KANSL1: variants seen among roughly 807,000 people sequenced by gnomAD.
The protein encoded by KANSL1 is MLL1/MLL complex subunit KANSL1.
In KANSL1, 22 loss-of-function variants were observed where a neutral mutation model predicts 103.6. That is an observed-to-expected ratio of 0.21 (90% CI 0.15 to 0.30). The LOEUF (loss-of-function observed/expected upper bound fraction) is 0.30, where lower values mean the gene tolerates loss of function less well. Among genes scored for constraint, KANSL1 ranks in the 10% least tolerant of loss-of-function variants. KANSL1 has a pLI of 1.00. For synonymous variants in KANSL1, 600 were observed against 527.6 expected, an observed-to-expected ratio of 1.14 and a Z score of -1.88; for missense variants, 1,337 against 1,399.8, an observed-to-expected ratio of 0.96 and a Z score of 0.72.
At chr17:46,213,969 TCAATTCC>T (rs1235645755) in intron 1 of KANSL1, among the ~76,000 whole-genome samples, 2 of 151,674 alleles carry the variant, frequency 1.3e-5, no homozygotes, top group Non-Finnish European at 2.9e-5. Context: ...ATTCTAAAAA[TCAATTCC>T]CTGCCAAATA....
At chr17:46,222,972 G>A (rs1462505587) in intron 1 of KANSL1, 1 of 150,508 alleles carries the variant, frequency 6.6e-6, no homozygotes, top group Non-Finnish European at 1.5e-5. Flanking sequence ...GGCCATCTAT[G>A]TACAAGAGAT....
At chr17:46,198,003 G>T (rs2047669865), upstream of KANSL1, among the ~76,000 whole-genome samples, 2 of 152,120 alleles carry the variant, frequency 1.3e-5, no homozygotes, top group Non-Finnish European at 2.9e-5. Flanking sequence ...ATTAACTCAG[G>T]ACAAGTTCTA....
chr17:46,122,667 T>C (rs62061858), intron 2 of KANSL1, among the ~76,000 whole-genome samples: 21,615 of 152,008 alleles, frequency 0.14, 2,091 homozygotes, highest in Non-Finnish European at 0.22. Flanking sequence ...GCAAGTCTAT[T>C]AGCGTCATTC....
upstream of KANSL1, among the ~76,000 whole-genome samples, chr17:46,197,535 C>G (rs1483887396): frequency 6.6e-6 from 1 of 152,218 alleles, no homozygotes; most frequent in East Asian, 1.9e-4. Context: ...TCCAGCTACT[C>G]GGGAGGCTGA....
In KANSL1 at chr17:46,032,109, G is replaced by A. The variant is rs143018360; in HGVS notation, c.3028C>T (p.Pro1010Ser). 1 of 1,614,110 alleles carries A rather than the reference G, an allele frequency of 6.2e-7. No individual in the cohort carries two copies. The highest frequency in any genetic ancestry group is 2.2e-5 in the East Asian group (1 of 44,864). ...APLTPVARDT[P>S]RHLASEDTRC... is the part of the protein sequence containing the mutation. ...GTATCCTCACTGGCTAAGTGTCGCG[G>A]AGTGTCCCGAGCCACAGGGGTGAGG... Residue 1010 changes from proline to serine, a missense_variant, in exon 14 of 15, where the codon CCG (proline) becomes TCG (serine). Pro to Ser is a moderately conservative substitution (Grantham distance 74). This residue lies in a region of KANSL1 where 780 missense variants were observed against 923.4 expected (regional missense o/e 0.84). Coordinates refer to ENST00000432791, the MANE Select transcript of KANSL1 (RefSeq NM_015443.4).
At position 46,050,649 on chromosome 17, in the gene KANSL1, A is replaced by T; in HGVS notation, c.1904T>A (p.Leu635Gln). 6.2e-7 allele frequency: 1 copy of T among 1,614,196 alleles called. No homozygotes were observed. The highest frequency in any genetic ancestry group is 8.5e-7 in the Non-Finnish European group (1 of 1,180,022). Residue 635 changes from leucine (L) to glutamine (Q), a missense_variant, in exon 7 of 15, where the codon CTG (leucine) becomes CAG (glutamine). Leu to Gln is a moderately radical substitution (Grantham distance 113). Transcript: ENST00000432791. Reference sequence around the variant, plus strand: ...GGTGTTGATGCTGCCTGAACCACACAGTGCGCAGGAGGGATTCACATCACA... The same window carrying T: ...GGTGTTGATGCTGCCTGAACCACACTGTGCGCAGGAGGGATTCACATCACA... ...PGCDVNPSCA[L>Q]CGSGSINTMP...
At chr17:46,184,212 T>C (rs1250879614) in intron 1 of KANSL1, among the ~76,000 whole-genome samples, 3 of 152,270 alleles carry the variant, frequency 2.0e-5, no homozygotes, top group African/African-American at 4.8e-5. Context: ...GGAAGGCTTC[T>C]AGAAAAGATG....
intron 2 of KANSL1, among the ~76,000 whole-genome samples, chr17:46,110,979 A>T (rs1432115858): frequency 6.6e-6 from 1 of 152,234 alleles, no homozygotes; most frequent in Non-Finnish European, 1.5e-5. Flanking sequence ...AGAACATAAA[A>T]ATAATTAAAA....
chr17:46,181,863 A>G (rs973375303), intron 1 of KANSL1, among the ~76,000 whole-genome samples: 2 of 151,308 alleles, frequency 1.3e-5, no homozygotes, highest in Admixed American at 6.6e-5. Flanking sequence ...TGCTACCTCT[A>G]CCTGGAAGGT....
chr17:46,164,105 T>C (rs2045880866), intron 2 of KANSL1, among the ~76,000 whole-genome samples: 2 of 152,232 alleles, frequency 1.3e-5, no homozygotes, highest in South Asian at 2.1e-4. Context: ...AAACTTAGCT[T>C]ATTCATCTGT....
At chr17:46,163,431 T>C (rs112566270) in intron 2 of KANSL1, among the ~76,000 whole-genome samples, 17,171 of 150,144 alleles carry the variant, frequency 0.11, no homozygotes, top group Non-Finnish European at 0.17. Flanking sequence ...GGCACAATCA[T>C]AGCTTACCCA....
chr17:46,059,677 G>GATCAACAC (rs1183926347), intron 6 of KANSL1, among the ~76,000 whole-genome samples: 3 of 123,428 alleles, frequency 2.4e-5, no homozygotes, highest in Non-Finnish European at 3.4e-5. Context: ...AAAGGAAACT[G>GATCAACAC]ATCAACACAT....
intron 2 of KANSL1, among the ~76,000 whole-genome samples, chr17:46,167,252 G>A (rs1344843050): frequency 6.8e-6 from 1 of 146,730 alleles, no homozygotes; most frequent in African/African-American, 2.5e-5. Context: ...ATGGGTCCAG[G>A]AATTAAACAA....
intron 2 of KANSL1, among the ~76,000 whole-genome samples, chr17:46,129,247 C>T (rs933575831): frequency 1.3e-5 from 2 of 152,084 alleles, no homozygotes; most frequent in African/African-American, 4.8e-5. Flanking sequence ...CCTACAGAAT[C>T]ACAATATTGG....
chr17:46,136,729 T>C (rs1567716276), intron 2 of KANSL1, among the ~76,000 whole-genome samples: 3 of 152,344 alleles, frequency 2.0e-5, no homozygotes, highest in South Asian at 4.1e-4. Context: ...ATTTACATCA[T>C]ATCCTTCTTC....
At position 46,031,156 on chromosome 17, in the gene KANSL1, AG is replaced by A. The variant is rs1269577623; in HGVS notation, c.*319del. On this transcript the variant is annotated 3_prime_UTR_variant, in exon 15 of 15. Transcript: ENST00000432791. Reference sequence around the variant, plus strand: ...TCTGCCCTGCCCACAGGTGTGAGGGAGGGGGTGGTCATCTAAGATCAGTAAG... The same window carrying A: ...TCTGCCCTGCCCACAGGTGTGAGGGAGGGGTGGTCATCTAAGATCAGTAAG... The A allele has an allele frequency of 1.2e-5, 5 of 401,764 alleles. No individual in the cohort carries two copies. Among genetic ancestry groups the A allele is most frequent in the Admixed American group, 3.8e-5 (1 of 26,286 alleles). 24.9% of individuals were successfully genotyped at this position (401,764 alleles called of 1,614,324 possible).
chr17:46,048,377 G>A (rs1480563298), intron 7 of KANSL1, among the ~76,000 whole-genome samples: 2 of 151,826 alleles, frequency 1.3e-5, no homozygotes, highest in East Asian at 3.9e-4. Context: ...AGACCAGCCT[G>A]GCCAACATGG....
intron 7 of KANSL1, chr17:46,049,497 G>C (rs1426862638): frequency 6.6e-6 from 1 of 152,218 alleles, no homozygotes; most frequent in Non-Finnish European, 1.5e-5. Flanking sequence ...GCCTCCCAAA[G>C]TGCTGGGATT....
rs770503769 is a variant in KANSL1 at position 46,171,744 on chromosome 17, A to AATT, written c.399_400insAAT (p.Phe133_Ser134insAsn). 4 of 1,583,060 alleles carry AATT rather than the reference A, an allele frequency of 2.5e-6. No individual in the cohort carries two copies. The highest frequency in any genetic ancestry group is 3.4e-6 in the Non-Finnish European group (4 of 1,167,550). ...TTCATGGTTCTAAGATTTTCTAAGGAAAACTCCAAAACTGGCTGTCTCCCC... is the reference window on the plus strand; with the variant it reads ...TTCATGGTTCTAAGATTTTCTAAGGAATTAAACTCCAAAACTGGCTGTCTCCCC... On this transcript the variant is annotated inframe_insertion, in exon 2 of 15. Transcript: ENST00000432791.
Sources: gnomAD v4.1 joint callset for allele counts (sites outside exome capture counted in the v4.1 genomes callset) on GRCh38, gnomAD v4.1.1 for gene constraint, gnomAD v4.1.1 regional missense constraint, MANE v1.5 for transcripts, NCBI Gene and HGNC (gene_info 2026-07-23, HGNC 2026-07-21) for gene names.